The following ATP8A2 variants were observed in gnomAD, a reference collection of about 807,000 sequenced individuals.
The protein encoded by ATP8A2 is phospholipid-transporting ATPase IB.
In ATP8A2, 100 loss-of-function variants were observed where a neutral mutation model predicts 165.6. The ratio of observed to expected loss-of-function variants is 0.60; its 90% CI spans 0.51 to 0.71. The LOEUF is 0.71. Ranked by LOEUF, ATP8A2 falls within the 30% of genes least tolerant of loss-of-function variation. ATP8A2 has a pLI of 0.00. For missense variants in ATP8A2, 1,227 were observed against 1,479.5 expected (o/e 0.83, Z 2.80); for synonymous variants, 543 against 548.8 (o/e 0.99, Z 0.15).
chr13:26,003,476 GTC>G (rs1415947938), intron 35 of ATP8A2, among the ~76,000 whole-genome samples: 1 of 151,954 alleles, frequency 6.6e-6, no homozygotes, highest in East Asian at 1.9e-4. Flanking sequence ...TCTTTAGGTT[GTC>G]TCTTCACTCT....
At chr13:25,717,297 A>G (rs1388687916) in intron 25 of ATP8A2, among the ~76,000 whole-genome samples, 1 of 151,962 alleles carries the variant, frequency 6.6e-6, no homozygotes, top group Non-Finnish European at 1.5e-5. Flanking sequence ...AGAAGGAGCT[A>G]TTGAGAATGG....
At chr13:25,611,301 T>A (rs61947470) in intron 24 of ATP8A2, among the ~76,000 whole-genome samples, 24,149 of 152,138 alleles carry the variant, frequency 0.16, 2,387 homozygotes, top group Non-Finnish European at 0.24. Context: ...TAGATGACTT[T>A]ACATTGAGGT....
In ATP8A2 at chr13:25,563,966, C is replaced by T. The variant is rs1403562896; in HGVS notation, c.1408C>T (p.Pro470Ser). 2 of 1,611,970 alleles carry T rather than the reference C, an allele frequency of 1.2e-6. No homozygotes were observed. The highest frequency in any genetic ancestry group is 8.5e-7 in the Non-Finnish European group (1 of 1,178,066). Reference sequence around the variant, plus strand: ...TGTTCTCTCTTACAGTCGGATGCCTCCTCCCTGTAGTGATTCCTGTGACTT... The same window carrying T: ...TGTTCTCTCTTACAGTCGGATGCCTTCTCCCTGTAGTGATTCCTGTGACTT... The part of the protein sequence containing the change: ...PSSDDFCRMP[P>S]PCSDSCDFDD... Residue 470 changes from proline to serine, a missense_variant, in exon 16 of 37, where the codon CCT becomes TCT. Coordinates refer to ENST00000381655, the MANE Select transcript of ATP8A2 (RefSeq NM_016529.6).
intron 24 of ATP8A2, among the ~76,000 whole-genome samples, chr13:25,698,189 A>G (rs963032664): frequency 4.0e-5 from 6 of 151,578 alleles, no homozygotes; most frequent in African/African-American, 1.5e-4. Context: ...TATCCTGTTC[A>G]TAGTCATAAA....
chr13:25,993,141 A>G (rs1250911775), intron 35 of ATP8A2, among the ~76,000 whole-genome samples: 4 of 151,906 alleles, frequency 2.6e-5, no homozygotes, highest in African/African-American at 4.8e-5. Flanking sequence ...TAATGCCTCA[A>G]TAAACATACG....
At position 25,539,088 on chromosome 13, in the gene ATP8A2, T is replaced by TGCGC. The variant is rs1555293249; in HGVS notation, c.581+1028_581+1029insCGCG. Among the ~76,000 whole-genome samples the TGCGC allele has an allele frequency of 2.1e-4, 32 of 150,948 alleles. 1 individual carries two copies. In the South Asian group the frequency reaches 6.3e-3, roughly 30 times the overall value. On this transcript the variant is annotated intron_variant, in intron 7 of 36. Coordinates refer to ENST00000381655, the MANE Select transcript of ATP8A2 (RefSeq NM_016529.6). The stretch of plus-strand genomic sequence containing the variant: ...GTGTGTGTGTGTGTGTGTGTGTGTG[T>TGCGC]GTGTGTGTGTGTTTTGTTTTGTTTT...
At chr13:26,016,830 G>C (rs1313095810) in intron 36 of ATP8A2, among the ~76,000 whole-genome samples, 1 of 152,202 alleles carries the variant, frequency 6.6e-6, no homozygotes, top group Non-Finnish European at 1.5e-5. Context: ...GGTGTGACGG[G>C]CCATGAACAT....
intron 28 of ATP8A2, 68 bp from the exon 29 acceptor site, chr13:25,837,095 T>G: frequency 6.4e-7 from 1 of 1,568,826 alleles, no homozygotes; most frequent in Non-Finnish European, 8.7e-7. Flanking sequence ...CATCATTTGG[T>G]AGAAGGGAAC....
chr13:25,460,150 G>A (rs932472491), intron 1 of ATP8A2, among the ~76,000 whole-genome samples: 3 of 152,166 alleles, frequency 2.0e-5, no homozygotes, highest in Non-Finnish European at 2.9e-5. Flanking sequence ...GCAGTGAGCC[G>A]AGATTGCGCC....
intron 25 of ATP8A2, among the ~76,000 whole-genome samples, chr13:25,711,289 GCT>G (rs1318455870): frequency 6.6e-6 from 1 of 152,168 alleles, no homozygotes; most frequent in Non-Finnish European, 1.5e-5. Flanking sequence ...ACAGGCGTGA[GCT>G]ACCGCGCCTG....
At chr13:25,773,173 G>C (rs762006764) in intron 26 of ATP8A2, among the ~76,000 whole-genome samples, 3 of 152,178 alleles carry the variant, frequency 2.0e-5, no homozygotes, top group Non-Finnish European at 4.4e-5. Context: ...TCTCCTAGTA[G>C]TGTAATAGGT....
intron 27 of ATP8A2, among the ~76,000 whole-genome samples, chr13:25,778,950 C>T (rs1021899022): frequency 2.6e-5 from 4 of 152,074 alleles, no homozygotes; most frequent in South Asian, 2.1e-4. Flanking sequence ...CTCCCATAGA[C>T]GGTGACCAGA....
At chr13:25,423,764 G>A (rs9511796) in intron 1 of ATP8A2, among the ~76,000 whole-genome samples, 1 of 151,960 alleles carries the variant, frequency 6.6e-6, no homozygotes, top group Non-Finnish European at 1.5e-5. Flanking sequence ...GTTTGGCATA[G>A]ATCTTTCCTT....
Position 25,406,174 on chromosome 13 carries a change from CAGAA to C in ATP8A2, c.76+33892_76+33895del, listed in dbSNP as rs145875870. ...AAAGAGGTTGACATATACAGTTTCT[CAGAA>C]AGAAACATTTAACAGGGACTTACGA... On this transcript the variant is annotated intron_variant, in intron 1 of 36. Transcript: ENST00000381655. 2.8e-3 allele frequency among the ~76,000 whole-genome samples: 425 copies of C among 152,270 alleles called. 2 individuals carry two copies. The highest frequency in any genetic ancestry group is 9.4e-3 in the African/African-American group (389 of 41,538).
chr13:25,501,292 C>T (rs529733174), intron 2 of ATP8A2, among the ~76,000 whole-genome samples: 3 of 152,280 alleles, frequency 2.0e-5, no homozygotes, highest in Non-Finnish European at 2.9e-5. Flanking sequence ...GCTTAGGAAG[C>T]GTGGACAGTG....
Position 26,020,421 on chromosome 13 carries a change from C to T in ATP8A2, c.*436C>T, listed in dbSNP as rs904408688. 4 of 158,540 alleles carry T rather than the reference C, an allele frequency of 2.5e-5. No homozygotes were observed. The highest frequency in any genetic ancestry group is 6.4e-5 in the Admixed American group (1 of 15,554). The allele number at this position is 158,540 out of a possible 1,614,324, so 9.8% of individuals were successfully genotyped here. A position where few individuals can be genotyped will look rare whatever the true frequency, so the allele number is the denominator to read the frequency against. On this transcript the variant is annotated 3_prime_UTR_variant, in exon 37 of 37. Coordinates refer to ENST00000381655, the MANE Select transcript of ATP8A2 (RefSeq NM_016529.6). ...GAGTTAACTCAGAGGTTAAGTCCAA[C>T]GGGCCACATGCAGACTTCACTGTAG...
At chr13:26,013,437 G>A (rs574559878) in intron 36 of ATP8A2, among the ~76,000 whole-genome samples, 1 of 152,348 alleles carries the variant, frequency 6.6e-6, no homozygotes, top group East Asian at 1.9e-4. Context: ...AACTTTCGGA[G>A]GCTGAGGTGA....
chr13:25,721,632 A>G (rs953875987), intron 25 of ATP8A2, among the ~76,000 whole-genome samples: 2 of 152,128 alleles, frequency 1.3e-5, no homozygotes, highest in South Asian at 4.1e-4. Flanking sequence ...GCAGCCACTT[A>G]CCTACTTCCC....
chr13:25,981,117 T>C (rs2139256103), intron 35 of ATP8A2, among the ~76,000 whole-genome samples: 1 of 152,288 alleles, frequency 6.6e-6, no homozygotes, highest in East Asian at 1.9e-4. Flanking sequence ...TTGTTTTGGG[T>C]TGTGTTGAGA....
Sources: allele counts gnomAD v4.1 joint callset (sites outside exome capture counted in the v4.1 genomes callset), GRCh38; gene constraint gnomAD v4.1.1; transcripts MANE v1.5; gene names NCBI Gene and HGNC (gene_info 2026-07-23, HGNC 2026-07-21).